The following PCDHA7 variants were observed in gnomAD, a reference collection of about 807,000 sequenced individuals.
PCDHA7 encodes the protein protocadherin alpha-7.
PCDHA7 carries 37 observed loss-of-function variants against 57.2 expected under a neutral mutation model. The ratio of observed to expected loss-of-function variants is 0.65; its 90% confidence interval spans 0.50 to 0.85. The LOEUF (loss-of-function observed/expected upper bound fraction) is 0.85. PCDHA7 is among the 40% of genes least tolerant of loss of function. PCDHA7 has a pLI of 0.00. For synonymous variants in PCDHA7, 553 were observed against 558.8 expected, an observed-to-expected ratio of 0.99 and a Z score of 0.15; for missense variants, 1,188 against 1,241.8, an observed-to-expected ratio of 0.96 and a Z score of 0.65.
chr5:140,967,490 C>G (rs1554229615), intron 1 of PCDHA7: 2 of 1,613,210 alleles, frequency 1.2e-6, no homozygotes, highest in East Asian at 2.2e-5. Context: ...GGGTACGGCA[C>G]AGATCTCTGT....
intron 2 of PCDHA7, among the ~76,000 whole-genome samples, chr5:140,979,721 C>T (rs2153819868): frequency 6.6e-6 from 1 of 152,290 alleles, no homozygotes; most frequent in East Asian, 1.9e-4. Context: ...GTATCCATGC[C>T]ATGGGGCCAA....
intron 1 of PCDHA7, among the ~76,000 whole-genome samples, chr5:140,923,186 C>T (rs559668347): frequency 2.0e-5 from 3 of 152,206 alleles, no homozygotes; most frequent in African/African-American, 7.2e-5. Context: ...GATGCATCTA[C>T]TGCAGCAATT....
chr5:140,892,658 A>G (rs1202553509), intron 1 of PCDHA7, among the ~76,000 whole-genome samples: 4 of 152,202 alleles, frequency 2.6e-5, no homozygotes, highest in African/African-American at 9.7e-5. Context: ...ATACAGAGTG[A>G]CATTTTGATA....
chr5:140,884,150 A>G (rs782776110), intron 1 of PCDHA7: 14 of 1,613,346 alleles, frequency 8.7e-6, no homozygotes, highest in Non-Finnish European at 1.1e-5. Context: ...GGGGCTGTAC[A>G]CTGGCGAGAT....
chr5:140,883,467 CCTACAAGAA>C (rs1554178369), intron 1 of PCDHA7: 1 of 1,614,170 alleles, frequency 6.2e-7, no homozygotes, highest in East Asian at 2.2e-5. Flanking sequence ...CTGGTGTCCA[CCTACAAGAA>C]CTACTACTCA....
intron 1 of PCDHA7, among the ~76,000 whole-genome samples, chr5:140,888,287 C>A (rs1371852276): frequency 6.6e-6 from 1 of 152,072 alleles, no homozygotes; most frequent in Non-Finnish European, 1.5e-5. Context: ...CCCCTCTACC[C>A]CCTACCCAGG....
Position 140,883,309 on chromosome 5 carries a change from C to T in PCDHA7, c.2355+46571C>T, listed in dbSNP as rs782264263. The T allele has an allele frequency of 4.3e-6, 7 of 1,613,930 alleles. No individual in the cohort carries two copies. In the Admixed American group the frequency reaches 1.2e-4, roughly 27 times the overall value. ...AAGTACTAGATGTAAATGATAACGCCCCAGAGGTTACCATCACTTCTTTGT... is the reference window on the plus strand; with the variant it reads ...AAGTACTAGATGTAAATGATAACGCTCCAGAGGTTACCATCACTTCTTTGT... On this transcript the variant is annotated intron_variant, in intron 1 of 3. Transcript: ENST00000525929.
At position 140,834,721 on chromosome 5, in the gene PCDHA7, C is replaced by A. The variant is rs2150224932; in HGVS notation, c.338C>A (p.Pro113Gln). 6.2e-7 allele frequency: 1 copy of A among 1,614,220 alleles called. No individual in the cohort carries two copies. The highest frequency in any genetic ancestry group is 1.1e-5 in the South Asian group (1 of 91,080). ...SIHLEVIVERPLQVFHVDVEV... is the reference protein window; with the variant it reads ...SIHLEVIVERQLQVFHVDVEV... ...CACCTGGAGGTGATCGTGGAAAGGCCGCTGCAGGTTTTCCATGTGGACGTG... is the reference window on the plus strand; with the variant it reads ...CACCTGGAGGTGATCGTGGAAAGGCAGCTGCAGGTTTTCCATGTGGACGTG... The change falls in exon 1 of 4, where the codon CCG becomes CAG. Residue 113 changes from proline to glutamine, a missense_variant. Coordinates refer to ENST00000525929, the MANE Select transcript of PCDHA7 (RefSeq NM_018910.3).
Position 141,010,117 on chromosome 5 carries a change from T to C in PCDHA7, c.*180T>C. Reference sequence around the variant, plus strand: ...TTTAACAGGTTTTGTCGTAAAAGCTTTACTAAGTCTGGTGTTAACTCTTTC... The same window carrying C: ...TTTAACAGGTTTTGTCGTAAAAGCTCTACTAAGTCTGGTGTTAACTCTTTC... On this transcript the variant is annotated 3_prime_UTR_variant, in exon 4 of 4. Transcript: ENST00000525929. 1 of 1,608,612 alleles carries C rather than the reference T, an allele frequency of 6.2e-7. No individual in the cohort carries two copies. The highest frequency in any genetic ancestry group is 8.5e-7 in the Non-Finnish European group (1 of 1,177,044).
chr5:140,986,246 C>T (rs561365390), intron 3 of PCDHA7, among the ~76,000 whole-genome samples: 1 of 152,178 alleles, frequency 6.6e-6, no homozygotes, highest in African/African-American at 2.4e-5. Flanking sequence ...TGAGCAGACC[C>T]GGACCACAGG....
chr5:140,878,060 T>C (rs1251415258), intron 1 of PCDHA7: 2 of 426,090 alleles, frequency 4.7e-6, no homozygotes, highest in Non-Finnish European at 7.6e-6. Flanking sequence ...CCACACTTAA[T>C]ATTTTTCTTT....
chr5:140,916,706 G>A (rs1179319029), intron 1 of PCDHA7, among the ~76,000 whole-genome samples: 1 of 152,200 alleles, frequency 6.6e-6, no homozygotes, highest in Admixed American at 6.5e-5. Flanking sequence ...TCCTTAAGCA[G>A]AAGGAAGGAG....
intron 1 of PCDHA7, among the ~76,000 whole-genome samples, chr5:140,886,663 T>G (rs1164928390): frequency 6.6e-6 from 1 of 151,786 alleles, no homozygotes; most frequent in Non-Finnish European, 1.5e-5. Flanking sequence ...CTGTCTCTAC[T>G]AAAAATACAA....
intron 1 of PCDHA7, chr5:140,926,643 G>A (rs1292255848): frequency 4.9e-5 from 22 of 452,632 alleles, no homozygotes; most frequent in African/African-American, 3.9e-4. Flanking sequence ...CTCAACACCC[G>A]GCCGGCTCCG....
intron 1 of PCDHA7, among the ~76,000 whole-genome samples, chr5:140,912,146 T>G (rs1248730371): frequency 6.6e-6 from 1 of 152,202 alleles, no homozygotes; most frequent in Admixed American, 6.5e-5. Flanking sequence ...CATGTTCTTC[T>G]GCCTGTTTTT....
intron 3 of PCDHA7, among the ~76,000 whole-genome samples, chr5:140,994,538 A>G (rs1554254218): frequency 1.8e-5 from 2 of 111,930 alleles, no homozygotes; most frequent in African/African-American, 9.1e-5. Context: ...CCCCATCTCT[A>G]CAAAAAAAAT....
chr5:140,896,847 A>G (rs892276664), intron 1 of PCDHA7, among the ~76,000 whole-genome samples: 5 of 152,064 alleles, frequency 3.3e-5, no homozygotes, highest in African/African-American at 4.8e-5. Flanking sequence ...TTTTAATTTT[A>G]TGGGTACATA....
At chr5:140,857,192 G>A in intron 1 of PCDHA7, 2 of 1,598,474 alleles carry the variant, frequency 1.3e-6, no homozygotes, top group Non-Finnish European at 1.7e-6. Context: ...AGGAGCCAAC[G>A]GACAGGTCAC....
intron 1 of PCDHA7, chr5:140,926,951 G>A: frequency 3.8e-6 from 6 of 1,596,266 alleles, no homozygotes; most frequent in South Asian, 1.1e-5. Context: ...GCTGCAGCGG[G>A]ACAGCTCGAG....
Sources: allele counts gnomAD v4.1 joint callset (sites outside exome capture counted in the v4.1 genomes callset), GRCh38; gene constraint gnomAD v4.1.1; transcripts MANE v1.5; gene names NCBI Gene and HGNC (gene_info 2026-07-23, HGNC 2026-07-21).